The following B3GALT1 variants were observed in gnomAD, a reference collection of about 807,000 sequenced individuals.
B3GALT1 encodes beta-1,3-galactosyltransferase 1.
In B3GALT1, 10 loss-of-function variants were observed where a neutral mutation model predicts 23.2. The observed-to-expected ratio is 0.43, with a 90% confidence interval of 0.27 to 0.73. The LOEUF (loss-of-function observed/expected upper bound fraction) is 0.73. Ranked by LOEUF, B3GALT1 falls within the 30% of genes least tolerant of loss-of-function variation. The probability of loss-of-function intolerance (pLI) is 0.21; values close to 1 mark genes in which losing one functional copy is unlikely to be tolerated. For synonymous variants in B3GALT1, 156 were observed against 141.5 expected, an observed-to-expected ratio of 1.10 and a Z score of -0.73; for missense variants, 299 against 405.4, an observed-to-expected ratio of 0.74 and a Z score of 2.25.
intron 1 of B3GALT1, among the ~76,000 whole-genome samples, chr2:167,331,953 G>A (rs1321814684): frequency 6.6e-6 from 1 of 152,190 alleles, no homozygotes; most frequent in African/African-American, 2.4e-5. Context: ...CTGAGCATGC[G>A]CAGCTGCGTG....
chr2:167,665,401 C>G (rs1035725683), intron 3 of B3GALT1, among the ~76,000 whole-genome samples: 2 of 145,288 alleles, frequency 1.4e-5, no homozygotes, highest in African/African-American at 5.2e-5. Flanking sequence ...CAATGTTCAT[C>G]AAGGATATTG....
chr2:167,577,007 G>A (rs537916977), intron 2 of B3GALT1, among the ~76,000 whole-genome samples: 23 of 151,832 alleles, frequency 1.5e-4, no homozygotes, highest in African/African-American at 4.1e-4. Context: ...TAGGCTTAAT[G>A]TACTCTAGGA....
At chr2:167,603,797 G>A (rs1684914231) in intron 2 of B3GALT1, among the ~76,000 whole-genome samples, 2 of 152,108 alleles carry the variant, frequency 1.3e-5, no homozygotes, top group Admixed American at 1.3e-4. Flanking sequence ...AAACGCAAGA[G>A]ACTGTCATCA....
chr2:167,495,154 C>G (rs116696898), intron 2 of B3GALT1, among the ~76,000 whole-genome samples: 1,717 of 152,114 alleles, frequency 0.011, 32 homozygotes, highest in African/African-American at 0.039. Context: ...CCTTCTAGAA[C>G]AATAATCTCA....
At chr2:167,594,702 C>T (rs537073142) in intron 2 of B3GALT1, among the ~76,000 whole-genome samples, 4 of 152,246 alleles carry the variant, frequency 2.6e-5, no homozygotes, top group Admixed American at 2.0e-4. Context: ...CACCTGAGGT[C>T]ATGAGTTCAA....
intron 3 of B3GALT1, among the ~76,000 whole-genome samples, chr2:167,803,246 A>G (rs927942219): frequency 2.6e-5 from 4 of 152,162 alleles, no homozygotes; most frequent in African/African-American, 9.7e-5. Flanking sequence ...AGATGGCTAA[A>G]TGGGTCATCA....
At chr2:167,366,485 G>C (rs898371796) in intron 1 of B3GALT1, among the ~76,000 whole-genome samples, 1 of 152,188 alleles carries the variant, frequency 6.6e-6, no homozygotes, top group African/African-American at 2.4e-5. Context: ...CAAGCAACCT[G>C]ATTATAAATG....
chr2:167,398,979 C>G (rs1698143013), intron 1 of B3GALT1, among the ~76,000 whole-genome samples: 1 of 152,124 alleles, frequency 6.6e-6, no homozygotes, highest in Non-Finnish European at 1.5e-5. Context: ...CAAGACCTTA[C>G]TGACTGAAAA....
At chr2:167,612,367 T>TTATTA (rs1685081517) in intron 2 of B3GALT1, among the ~76,000 whole-genome samples, 4 of 145,134 alleles carry the variant, frequency 2.8e-5, no homozygotes, top group Non-Finnish European at 3.0e-5. Context: ...TTATTAGGCC[T>TTATTA]TTATTATTAT....
chr2:167,294,042 A>G (rs1286880707), intron 1 of B3GALT1, among the ~76,000 whole-genome samples: 1 of 152,124 alleles, frequency 6.6e-6, no homozygotes, highest in Non-Finnish European at 1.5e-5. Flanking sequence ...AGACTTGAGG[A>G]TGGAGAGTCC....
intron 3 of B3GALT1, among the ~76,000 whole-genome samples, chr2:167,663,275 C>A (rs1392427870): frequency 6.6e-6 from 1 of 152,064 alleles, no homozygotes; most frequent in Admixed American, 6.6e-5. Flanking sequence ...CATGTCCCTA[C>A]AAAGGACATT....
intron 1 of B3GALT1, among the ~76,000 whole-genome samples, chr2:167,340,333 A>C (rs78465984): frequency 2.6e-5 from 4 of 151,588 alleles, no homozygotes; most frequent in African/African-American, 7.3e-5. Flanking sequence ...AAAAAAAAAA[A>C]AACAGAGCTT....
At chr2:167,780,083 A>G (rs1252849103) in intron 3 of B3GALT1, among the ~76,000 whole-genome samples, 2 of 152,200 alleles carry the variant, frequency 1.3e-5, no homozygotes, top group Admixed American at 6.5e-5. Flanking sequence ...TCGAGAAAAT[A>G]TATTACAAGT....
intron 1 of B3GALT1, among the ~76,000 whole-genome samples, chr2:167,473,477 T>C (rs1415225633): frequency 6.6e-6 from 1 of 152,022 alleles, no homozygotes; most frequent in African/African-American, 2.4e-5. Context: ...TAATTAATGG[T>C]GAGAGAGGTG....
intron 4 of B3GALT1, among the ~76,000 whole-genome samples, chr2:167,836,657 G>A (rs538256951): frequency 1.3e-5 from 2 of 152,086 alleles, no homozygotes; most frequent in African/African-American, 4.8e-5. Context: ...CCAACATTCA[G>A]ATTCAGGAAA....
chr2:167,499,241 A>T (rs1248642862), intron 2 of B3GALT1, among the ~76,000 whole-genome samples: 2 of 152,158 alleles, frequency 1.3e-5, no homozygotes, highest in Non-Finnish European at 2.9e-5. Context: ...ACTATTTGAT[A>T]CTTACATCAT....
Position 167,714,696 on chromosome 2 carries a change from C to G in B3GALT1, c.-352+67730C>G. On this transcript the variant is annotated intron_variant, in intron 3 of 4. Coordinates refer to ENST00000392690, the MANE Select transcript of B3GALT1 (RefSeq NM_020981.4). ...AACCAATTATTATGTCCTTTTTTCTCGTAGGAAATAACCTGCTTTTGATAA... is the reference window on the plus strand; with the variant it reads ...AACCAATTATTATGTCCTTTTTTCTGGTAGGAAATAACCTGCTTTTGATAA... 2.5e-6 allele frequency: 4 copies of G among 1,613,822 alleles called. No individual in the cohort carries two copies. In the African/African-American group the frequency reaches 4.0e-5, roughly 16 times the overall value.
intron 4 of B3GALT1, among the ~76,000 whole-genome samples, chr2:167,847,954 A>G (rs909721823): frequency 6.6e-6 from 1 of 152,216 alleles, no homozygotes; most frequent in African/African-American, 2.4e-5. Flanking sequence ...CAAGGCTACT[A>G]TGAACACCTT....
intron 3 of B3GALT1, among the ~76,000 whole-genome samples, chr2:167,696,382 A>G (rs1337562005): frequency 2.0e-5 from 3 of 151,882 alleles, no homozygotes; most frequent in Admixed American, 1.3e-4. Context: ...TGTATCTGAC[A>G]TGTAGTAGGT....
Sources: gnomAD v4.1 joint callset for allele counts (sites outside exome capture counted in the v4.1 genomes callset) on GRCh38, gnomAD v4.1.1 for gene constraint, MANE v1.5 for transcripts, NCBI Gene and HGNC (gene_info 2026-07-23, HGNC 2026-07-21) for gene names.